The following GABRR1 variants were observed in gnomAD, a reference collection of about 807,000 sequenced individuals.
The protein encoded by GABRR1 is gamma-aminobutyric acid receptor subunit rho-1.
A neutral mutation model predicts 55.5 loss-of-function variants in GABRR1; 59 were observed. The ratio of observed to expected loss-of-function variants is 1.06; its 90% CI spans 0.86 to 1.32. The LOEUF (loss-of-function observed/expected upper bound fraction) is 1.32. Among genes scored for constraint, GABRR1 ranks in the 40% most tolerant of loss-of-function variants. GABRR1 has a pLI of 0.00. For missense variants in GABRR1, 602 were observed against 619.1 expected (o/e 0.97, Z 0.29); for synonymous variants, 213 against 226.0 (o/e 0.94, Z 0.51).
intron 1 of GABRR1, among the ~76,000 whole-genome samples, chr6:89,230,587 T>C (rs1428111332): frequency 3.3e-5 from 5 of 151,974 alleles, no homozygotes; most frequent in Non-Finnish European, 7.4e-5. Context: ...GGGTCAGGGG[T>C]CAGGGACCCG....
At chr6:89,208,668 G>A (rs1048340346) in intron 1 of GABRR1, among the ~76,000 whole-genome samples, 13 of 152,226 alleles carry the variant, frequency 8.5e-5, no homozygotes, top group African/African-American at 3.1e-4. Context: ...ATGGCAACAC[G>A]CCAGCTTCTG....
chr6:89,214,026 G>T (rs28374899), intron 1 of GABRR1, among the ~76,000 whole-genome samples: 3 of 146,750 alleles, frequency 2.0e-5, no homozygotes, highest in Non-Finnish European at 3.0e-5. Flanking sequence ...CTATATATAA[G>T]ATCATGTCAT....
chr6:89,188,032 T>C (rs964185122), intron 6 of GABRR1, among the ~76,000 whole-genome samples: 3 of 151,990 alleles, frequency 2.0e-5, no homozygotes, highest in Non-Finnish European at 4.4e-5. Context: ...TTTTTTTTTT[T>C]AGACATGGGG....
intron 8 of GABRR1, among the ~76,000 whole-genome samples, chr6:89,181,184 A>C (rs894923657): frequency 3.9e-5 from 6 of 152,244 alleles, no homozygotes; most frequent in Non-Finnish European, 7.3e-5. Flanking sequence ...AGGATTTCAA[A>C]TTAAGCTCAG....
intron 1 of GABRR1, among the ~76,000 whole-genome samples, chr6:89,214,952 A>G (rs1419092258): frequency 2.6e-5 from 4 of 152,208 alleles, no homozygotes; most frequent in Non-Finnish European, 1.5e-5. Context: ...ACTTGAAACC[A>G]TTACAATCCA....
chr6:89,180,326 A>C lies in GABRR1; in HGVS notation c.1112T>G (p.Val371Gly), dbSNP rs145822704. Residue 371 changes from valine to glycine, a missense_variant, in exon 9 of 10, where the codon GTG becomes GGG. Val to Gly is a moderately radical substitution (Grantham distance 109). This residue lies in a region of GABRR1 where 139 missense variants were observed against 141.1 expected (regional missense o/e 0.99). Coordinates refer to ENST00000454853, the MANE Select transcript of GABRR1 (RefSeq NM_002042.5). ...CAGCTTCTGTTCCTTCCTCTCCTGC[A>C]CAGTGGTCAGGTAGTTGACGGCCGC... The part of the protein sequence containing the change: ...EYAAVNYLTT[V>G]QERKEQKLRE... The C allele has an allele frequency of 3.7e-6, 6 of 1,613,738 alleles. No individual in the cohort carries two copies. Among genetic ancestry groups the C allele is most frequent in the Non-Finnish European group, 5.1e-6 (6 of 1,179,850 alleles).
intron 1 of GABRR1, among the ~76,000 whole-genome samples, chr6:89,210,182 A>ATTTTTT (rs60158472): frequency 1.2e-5 from 1 of 80,182 alleles, no homozygotes; most frequent in African/African-American, 5.4e-5. Context: ...TTCTGCAGCA[A>ATTTTTT]TTTTTTTTTT....
At chr6:89,179,972 T>C (rs1291289356) in intron 9 of GABRR1, among the ~76,000 whole-genome samples, 1 of 152,218 alleles carries the variant, frequency 6.6e-6, no homozygotes, top group Non-Finnish European at 1.5e-5. Flanking sequence ...CTATGTTAAA[T>C]TGTCATTTAT....
intron 1 of GABRR1, among the ~76,000 whole-genome samples, chr6:89,223,294 A>G (rs1773140623): frequency 6.6e-6 from 1 of 152,182 alleles, no homozygotes. Context: ...GTGAGGACAT[A>G]CAATGTTTGG....
At position 89,178,820 on chromosome 6, in the gene GABRR1, G is replaced by C. The variant is rs1034462982; in HGVS notation, c.1390C>G (p.Pro464Ala). The change falls in exon 10 of 10, where the codon CCA (proline) becomes GCA (alanine). Residue 464 changes from proline to alanine, a missense_variant. Pro to Ala is a conservative substitution (Grantham distance 27, BLOSUM62 -1). Around this residue, in one of 3 missense-constraint regions of GABRR1, gnomAD observed 139 missense variants for 141.1 expected, o/e 0.99. Transcript: ENST00000454853. ...AAATTGAATAAAATGTATGCTGCTG[G>C]AAAGATGATCCTGGAGTATTTATCA... ...AIDKYSRIIFPAAYILFNLIY... is the reference protein window; with the variant it reads ...AIDKYSRIIFAAAYILFNLIY... 1 of 1,614,104 alleles carries C rather than the reference G, an allele frequency of 6.2e-7. No individual in the cohort carries two copies. Among genetic ancestry groups the C allele is most frequent in the Non-Finnish European group, 8.5e-7 (1 of 1,179,964 alleles).
chr6:89,185,798 G>A (rs1285999783), intron 6 of GABRR1, among the ~76,000 whole-genome samples: 1 of 152,180 alleles, frequency 6.6e-6, no homozygotes, highest in Non-Finnish European at 1.5e-5. Flanking sequence ...AATTTCACAT[G>A]GCTCAGCCTT....
intron 7 of GABRR1, among the ~76,000 whole-genome samples, chr6:89,183,985 A>G (rs1436231954): frequency 1.3e-5 from 2 of 152,116 alleles, no homozygotes; most frequent in African/African-American, 4.8e-5. Context: ...CATGCCTGTA[A>G]TCCCAGCACT....
rs780822875 is a variant in GABRR1 at position 89,178,889 on chromosome 6, G to A, written c.1321C>T (p.Gln441Ter). 3.7e-6 allele frequency: 6 copies of A among 1,614,048 alleles called. No homozygotes were observed. The highest frequency in any genetic ancestry group is 5.1e-6 in the Non-Finnish European group (6 of 1,180,034). ...CTCATGCTCACATAGCTGCTTCTCTGACTTTTCCTCTGTGGGGAGCTCCTC... is the reference window on the plus strand; with the variant it reads ...CTCATGCTCACATAGCTGCTTCTCTAACTTTTCCTCTGTGGGGAGCTCCTC... ...SERSSPQRKS[Q>*]RSSYVSMRID... is the part of the protein sequence containing the mutation. The change falls in exon 10 of 10, where the codon CAG (glutamine) becomes TAG (stop). Residue 441 changes from glutamine to a stop codon, truncating the protein, a stop_gained. Transcript: ENST00000454853. LOFTEE classifies it high-confidence loss of function.
At chr6:89,219,040 A>G (rs1286894361), upstream of GABRR1, among the ~76,000 whole-genome samples, 1 of 152,020 alleles carries the variant, frequency 6.6e-6, no homozygotes, top group East Asian at 1.9e-4. Context: ...CCAAGGTGGG[A>G]GGATCACCTG....
At chr6:89,224,773 T>C (rs1176237872) in intron 1 of GABRR1, among the ~76,000 whole-genome samples, 2 of 143,386 alleles carry the variant, frequency 1.4e-5, no homozygotes, top group Admixed American at 1.4e-4. Flanking sequence ...TTTTCTGATG[T>C]TTTCTTCTAG....
intron 5 of GABRR1, among the ~76,000 whole-genome samples, chr6:89,196,793 GGAAAGAAAAGAAGAAA>G (rs1772287415): frequency 1.3e-5 from 1 of 77,434 alleles, no homozygotes; most frequent in African/African-American, 4.7e-5. Context: ...AAGAAAAGAA[GGAAAGAAAAGAAGAAA>G]GAAAGAAAAG....
chr6:89,190,451 G>T (rs550713226), intron 5 of GABRR1, among the ~76,000 whole-genome samples: 1 of 152,284 alleles, frequency 6.6e-6, no homozygotes, highest in South Asian at 2.1e-4. Context: ...TAACCCAAGG[G>T]TCAGTGTGAG....
At chr6:89,179,161 G>A in intron 9 of GABRR1, 98 bp from the exon 10 acceptor site, 1 of 1,254,376 alleles carries the variant, frequency 8.0e-7, no homozygotes, top group South Asian at 1.5e-5. Flanking sequence ...CCTGGTTTCT[G>A]GTATTCCCAG....
chr6:89,184,885 C>CTTTCTTTTTTT (rs776768704), intron 7 of GABRR1, among the ~76,000 whole-genome samples: 3 of 123,734 alleles, frequency 2.4e-5, no homozygotes, highest in Non-Finnish European at 3.3e-5. Flanking sequence ...TCTTTTCTTT[C>CTTTCTTTTTTT]TTTTTTTTTT....
Sources: allele counts gnomAD v4.1 joint callset (sites outside exome capture counted in the v4.1 genomes callset), GRCh38; gene constraint gnomAD v4.1.1; regional missense constraint gnomAD v4.1.1; transcripts MANE v1.5; gene names NCBI Gene and HGNC (gene_info 2026-07-23, HGNC 2026-07-21).